The following AP1M1 variants were observed in gnomAD, a reference collection of about 807,000 sequenced individuals.
The protein encoded by AP1M1 is AP-1 complex subunit mu-1.
AP1M1 carries 18 observed loss-of-function variants against 57.1 expected under a neutral mutation model. The observed-to-expected ratio is 0.32, with a 90% CI of 0.22 to 0.47. The LOEUF is 0.47. AP1M1 is among the 20% of genes least tolerant of loss of function. The probability of loss-of-function intolerance (pLI) is 1.00; values close to 1 mark genes in which losing one functional copy is unlikely to be tolerated. For missense variants in AP1M1, 362 were observed against 593.5 expected, an observed-to-expected ratio of 0.61 and a Z score of 4.05; for synonymous variants, 241 against 237.9, an observed-to-expected ratio of 1.01 and a Z score of -0.12.
chr19:16,221,445 T>C lies in AP1M1; in HGVS notation c.547-4976T>C, dbSNP rs906113293. On this transcript the variant is annotated intron_variant, in intron 5 of 11. Coordinates refer to ENST00000291439, the MANE Select transcript of AP1M1 (RefSeq NM_032493.4). ...GCAGCTTGTCCCTGCTGCTGTGTCCTATCTCCATTGGCTGGAGCCAGACCT... is the reference window on the plus strand; with the variant it reads ...GCAGCTTGTCCCTGCTGCTGTGTCCCATCTCCATTGGCTGGAGCCAGACCT... Among the ~76,000 whole-genome samples, 4 of 152,364 alleles carry C rather than the reference T, an allele frequency of 2.6e-5. No homozygotes were observed. In the South Asian group the frequency reaches 8.3e-4, roughly 32 times the overall value.
Position 16,243,639 on chromosome 19 carries a change from AGTTAGAAAATAT to A in AP1M1, c.*9205_*9216del, listed in dbSNP as rs2091653010. ...GTGTCAAAGAAGAAAATATAATGGA[AGTTAGAAAATAT>A]TAGAGAATGGCCAGGTGCAGTGGCT... On this transcript the variant is annotated 3_prime_UTR_variant, in exon 12 of 12. Transcript: ENST00000291439. 1 of 152,104 alleles carries A rather than the reference AGTTAGAAAATAT, an allele frequency of 6.6e-6. No homozygotes were observed. Among genetic ancestry groups the A allele is most frequent in the African/African-American group, 2.4e-5 (1 of 41,406 alleles). The allele number at this position is 152,104 out of a possible 1,614,324, so 9.4% of individuals were successfully genotyped here. A position where few individuals can be genotyped will look rare whatever the true frequency, so the allele number is the denominator to read the frequency against.
intron 5 of AP1M1, chr19:16,209,380 G>A: frequency 1.9e-6 from 1 of 522,722 alleles, no homozygotes; most frequent in Non-Finnish European, 3.2e-6. Flanking sequence ...GCCCAGGCTA[G>A]AGTGTGGTGA....
Position 16,206,549 on chromosome 19 carries a change from A to C in AP1M1, c.267+141A>C. On this transcript the variant is annotated intron_variant, in intron 3 of 11. Transcript: ENST00000291439. The surrounding 1 kb of genome is among the most constrained non-coding windows in gnomAD (Gnocchi z 4.3). The stretch of plus-strand genomic sequence containing the variant: ...GGGCTGGAAGCCCAGGAAGTGGGAA[A>C]GGGGAGTCCCAACTCCCCACGCCTG... The C allele has an allele frequency of 1.2e-6, 1 of 835,664 alleles. No homozygotes were observed. Among genetic ancestry groups the C allele is most frequent in the East Asian group, 2.5e-5 (1 of 40,056 alleles). The allele number at this position is 835,664 out of a possible 1,614,324, so 51.8% of individuals were successfully genotyped here. A position where few individuals can be genotyped will look rare whatever the true frequency, so the allele number is the denominator to read the frequency against.
At chr19:16,234,343 G>A in intron 11 of AP1M1, 69 bp downstream of exon 11, 1 of 1,613,332 alleles carries the variant, frequency 6.2e-7, no homozygotes, top group South Asian at 1.1e-5. Flanking sequence ...CCAGGGTGGA[G>A]CCATCGGGTC....
At chr19:16,220,008 T>G (rs779208893) in intron 5 of AP1M1, among the ~76,000 whole-genome samples, 2 of 152,202 alleles carry the variant, frequency 1.3e-5, no homozygotes, top group Admixed American at 6.5e-5. Context: ...GATACTGGTT[T>G]GTAATTTTCT....
At position 16,234,279 on chromosome 19, in the gene AP1M1, GT is replaced by G. The variant is rs758037347; in HGVS notation, c.1249+6del. The G allele has an allele frequency of 2.0e-5, 33 of 1,613,824 alleles. No homozygotes were observed. The South Asian group carries it at 3.6e-4, about 18-fold the overall frequency. ...GTTATATCACGCAGAATGGAGGTGA[GT>G]GAGGCCCTACCCGTGGGGTGGGGTT... On this transcript the variant is annotated splice_donor_region_variant and intron_variant, in intron 11 of 11. Coordinates refer to ENST00000291439, the MANE Select transcript of AP1M1 (RefSeq NM_032493.4).
intron 5 of AP1M1, among the ~76,000 whole-genome samples, chr19:16,215,678 G>T (rs2091516545): frequency 6.6e-6 from 1 of 151,922 alleles, no homozygotes; most frequent in South Asian, 2.1e-4. Flanking sequence ...TTTTGCAGGG[G>T]TTCTCTGCAT....
At position 16,236,206 on chromosome 19, in the gene AP1M1, G is replaced by C. The variant is rs1365684902; in HGVS notation, c.*1771G>C. The C allele has an allele frequency of 1.3e-5, 2 of 152,548 alleles. No individual in the cohort carries two copies. The highest frequency in any genetic ancestry group is 4.1e-4 in the South Asian group (2 of 4,838). 9.4% of individuals were successfully genotyped at this position (152,548 alleles called of 1,614,324 possible). A position where few individuals can be genotyped will look rare whatever the true frequency, so the allele number is the denominator to read the frequency against. ...CCTAGCTCCAGTGTGGGCTGTCACT[G>C]TCCCCACCCTGTGGAGCCCCCATGC... On this transcript the variant is annotated 3_prime_UTR_variant, in exon 12 of 12. Transcript: ENST00000291439.
In AP1M1 at chr19:16,206,221, G is replaced by A. The variant is rs1599453347; in HGVS notation, c.200-120G>A. The A allele has an allele frequency of 2.0e-6, 2 of 998,120 alleles. No individual in the cohort carries two copies. The highest frequency in any genetic ancestry group is 2.4e-5 in the East Asian group (1 of 40,938). The allele number at this position is 998,120 out of a possible 1,614,324, so 61.8% of individuals were successfully genotyped here. A position where few individuals can be genotyped will look rare whatever the true frequency, so the allele number is the denominator to read the frequency against. ...CCCACCATGGGCCAAGTAAACGGCT[G>A]GGAGTGGGGATAGGGAAGGCTCTGA... On this transcript the variant is annotated intron_variant, in intron 2 of 11. Transcript: ENST00000291439. The surrounding 1 kb of genome is among the most constrained non-coding windows in gnomAD (Gnocchi z 4.3).
At position 16,243,112 on chromosome 19, in the gene AP1M1, G is replaced by C. The variant is rs760283167; in HGVS notation, c.*8677G>C. Reference sequence around the variant, plus strand: ...AGAAAGCAAAAGAAAAAATGTATTAGATCCCCGAGAAGTTTCCACACAACT... The same window carrying C: ...AGAAAGCAAAAGAAAAAATGTATTACATCCCCGAGAAGTTTCCACACAACT... On this transcript the variant is annotated 3_prime_UTR_variant, in exon 12 of 12. Transcript: ENST00000291439. 3.9e-5 allele frequency: 6 copies of C among 152,098 alleles called. No individual in the cohort carries two copies. The highest frequency in any genetic ancestry group is 5.9e-5 in the Non-Finnish European group (4 of 67,994). The allele number at this position is 152,098 out of a possible 1,614,324, so 9.4% of individuals were successfully genotyped here.
rs2091637482 is a variant in AP1M1 at position 16,239,437 on chromosome 19, T to A, written c.*5002T>A. ...AAACCAACAAAACACCCCCCAAAAA[T>A]GACAATGCAGATTTGGAAGAAAAAA... On this transcript the variant is annotated 3_prime_UTR_variant, in exon 12 of 12. Transcript: ENST00000291439. The A allele has an allele frequency of 6.6e-6, 1 of 150,940 alleles. No homozygotes were observed. 9.4% of individuals were successfully genotyped at this position (150,940 alleles called of 1,614,324 possible).
rs2091455610 is a variant in AP1M1, at chr19:16,203,149, G to A, written c.43-310G>A. ...CTGAGAAGGTCTGCATTGAGAGCTT[G>A]TGAGGCATTGCTTAACCTGATGTCT... On this transcript the variant is annotated intron_variant, in intron 1 of 11. Transcript: ENST00000291439. The surrounding 1 kb of genome is among the most constrained non-coding windows in gnomAD (Gnocchi z 4.6). 2.7e-6 allele frequency: 1 copy of A among 370,856 alleles called. No individual in the cohort carries two copies. Among genetic ancestry groups the A allele is most frequent in the African/African-American group, 2.1e-5 (1 of 47,166 alleles). The allele number at this position is 370,856 out of a possible 1,614,324, so 23.0% of individuals were successfully genotyped here.
intron 9 of AP1M1, among the ~76,000 whole-genome samples, chr19:16,229,516 G>A (rs902102432): frequency 3.9e-5 from 6 of 152,158 alleles, no homozygotes; most frequent in South Asian, 2.1e-4. Context: ...GAGCTGAGCC[G>A]GGTGGCACTG....
intron 6 of AP1M1, chr19:16,226,853 T>G: frequency 4.0e-6 from 1 of 251,378 alleles, no homozygotes; most frequent in Non-Finnish European, 7.6e-6. Flanking sequence ...CCTTGCTCTC[T>G]CCCTCCCAGG....
chr19:16,205,155 A>T (rs556210328), intron 2 of AP1M1, among the ~76,000 whole-genome samples: 1 of 152,228 alleles, frequency 6.6e-6, no homozygotes, highest in African/African-American at 2.4e-5. Flanking sequence ...AACCCAGGGA[A>T]CTGACAGTCC....
rs1212334512 is a variant in AP1M1 at position 16,210,059 on chromosome 19, C to T, written c.546+882C>T. 2.6e-5 allele frequency among the ~76,000 whole-genome samples: 4 copies of T among 152,226 alleles called. No homozygotes were observed. In the East Asian group the frequency reaches 7.7e-4, roughly 29 times the overall value. Reference sequence around the variant, plus strand: ...TCTTCATCGTGTTGTGATTGTCACACGAGTGGCATCATATGTCACCGCAGC... The same window carrying T: ...TCTTCATCGTGTTGTGATTGTCACATGAGTGGCATCATATGTCACCGCAGC... On this transcript the variant is annotated intron_variant, in intron 5 of 11. Coordinates refer to ENST00000291439, the MANE Select transcript of AP1M1 (RefSeq NM_032493.4).
intron 5 of AP1M1, among the ~76,000 whole-genome samples, chr19:16,216,353 G>A (rs1020511710): frequency 1.3e-5 from 2 of 152,022 alleles, no homozygotes; most frequent in Admixed American, 6.6e-5. Flanking sequence ...GCTGAGGCAG[G>A]AGAATGGCGT....
At chr19:16,212,748 C>T (rs888284595) in intron 5 of AP1M1, among the ~76,000 whole-genome samples, 1 of 152,182 alleles carries the variant, frequency 6.6e-6, no homozygotes, top group Non-Finnish European at 1.5e-5. Flanking sequence ...CTGTAAATTT[C>T]TCTTAACACT....
intron 5 of AP1M1, among the ~76,000 whole-genome samples, chr19:16,220,869 C>T (rs2091541155): frequency 6.6e-6 from 1 of 152,208 alleles, no homozygotes; most frequent in Admixed American, 6.5e-5. Context: ...ATACCACTTC[C>T]TTCTGGCATC....
Sources: gnomAD v4.1 joint callset for allele counts (sites outside exome capture counted in the v4.1 genomes callset) on GRCh38, gnomAD v4.1.1 for gene constraint, Gnocchi (gnomAD v3.1) non-coding constraint, MANE v1.5 for transcripts, NCBI Gene and HGNC (gene_info 2026-07-23, HGNC 2026-07-21) for gene names.